The following KIF13B variants were observed in gnomAD, a reference collection of about 807,000 sequenced individuals.
KIF13B encodes kinesin family member 13B, also known as kinesin-like protein KIF13B.
Under a neutral mutation model 222.0 loss-of-function variants are expected in KIF13B, and 127 were observed. The ratio of observed to expected loss-of-function variants is 0.57; its 90% CI spans 0.50 to 0.66. KIF13B has a LOEUF of 0.66. Ranked by LOEUF, KIF13B falls within the 30% of genes least tolerant of loss-of-function variation. The pLI is 0.00. For missense variants in KIF13B, 2,173 were observed against 2,379.0 expected (o/e 0.91, Z 1.80); for synonymous variants, 976 against 919.0 (o/e 1.06, Z -1.12).
At chr8:29,198,314 G>T (rs958262374) in intron 2 of KIF13B, among the ~76,000 whole-genome samples, 2 of 147,626 alleles carry the variant, frequency 1.4e-5, no homozygotes, top group South Asian at 4.3e-4. Context: ...TGCATGTTTT[G>T]TTTTTTGTTT....
At chr8:29,131,285 C>T (rs916330320) in intron 23 of KIF13B, among the ~76,000 whole-genome samples, 1 of 151,242 alleles carries the variant, frequency 6.6e-6, no homozygotes, top group Non-Finnish European at 1.5e-5. Flanking sequence ...ACAATATACC[C>T]AGGTAAACAA....
At chr8:29,103,155 C>A (rs187517670) in intron 35 of KIF13B, among the ~76,000 whole-genome samples, 1 of 149,710 alleles carries the variant, frequency 6.7e-6, no homozygotes, top group Admixed American at 6.7e-5. Context: ...GGCAGGAGAA[C>A]GGCTTGAACC....
chr8:29,109,128 G>A (rs1243768536), intron 34 of KIF13B, among the ~76,000 whole-genome samples: 1 of 152,178 alleles, frequency 6.6e-6, no homozygotes, highest in African/African-American at 2.4e-5. Context: ...CTTGCCATAG[G>A]CCCGTGGCTA....
chr8:29,145,913 A>G, intron 18 of KIF13B: 1 of 164,046 alleles, frequency 6.1e-6, no homozygotes, highest in Non-Finnish European at 1.3e-5. Context: ...ATACCAAAAA[A>G]AGTATGATCC....
At chr8:29,200,362 A>T (rs1295990011) in intron 2 of KIF13B, among the ~76,000 whole-genome samples, 1 of 152,242 alleles carries the variant, frequency 6.6e-6, no homozygotes, top group Non-Finnish European at 1.5e-5. Flanking sequence ...GAGATTCAGG[A>T]AGCAAAAGCA....
At position 29,108,243 on chromosome 8, in the gene KIF13B, G is replaced by A. The variant is rs1586788385; in HGVS notation, c.4162-51C>T. ...GTTATTTATGCATCAGAGCATACACGTGGTCTAGGCAACGCCAGTCTTTGC... is the reference window on the plus strand; with the variant it reads ...GTTATTTATGCATCAGAGCATACACATGGTCTAGGCAACGCCAGTCTTTGC... On this transcript the variant is annotated intron_variant, in intron 34 of 39. Coordinates refer to ENST00000524189, the MANE Select transcript of KIF13B (RefSeq NM_015254.4). 1.5e-5 allele frequency: 24 copies of A among 1,556,302 alleles called. No individual in the cohort carries two copies. In the Admixed American group the frequency reaches 1.8e-4, roughly 12 times the overall value.
intron 10 of KIF13B, among the ~76,000 whole-genome samples, chr8:29,174,136 T>A (rs1282151331): frequency 6.6e-6 from 1 of 152,206 alleles, no homozygotes; most frequent in African/African-American, 2.4e-5. Context: ...AAATATACTT[T>A]GAGCAAATTT....
intron 2 of KIF13B, among the ~76,000 whole-genome samples, chr8:29,214,495 CA>C (rs1241007665): frequency 6.6e-6 from 1 of 152,206 alleles, no homozygotes; most frequent in Non-Finnish European, 1.5e-5. Flanking sequence ...GGAAGGTCTT[CA>C]GGGGCAGTAA....
At chr8:29,192,331 C>T (rs193275273) in intron 3 of KIF13B, among the ~76,000 whole-genome samples, 2 of 152,346 alleles carry the variant, frequency 1.3e-5, no homozygotes, top group Admixed American at 6.5e-5. Context: ...CCTCCAGGCA[C>T]CTGGTCTGAT....
chr8:29,212,813 T>C (rs1814289745), intron 2 of KIF13B, among the ~76,000 whole-genome samples: 1 of 149,336 alleles, frequency 6.7e-6, no homozygotes, highest in Non-Finnish European at 1.5e-5. Flanking sequence ...TGGGAAATTG[T>C]ATTTGATTAC....
In KIF13B at chr8:29,188,588, C is replaced by T. The variant is rs910992891; in HGVS notation, c.243G>A (p.Lys81=). Residue 81 remains lysine (K), a synonymous_variant, in exon 5 of 40, where the codon AAG becomes AAA. Coordinates refer to ENST00000524189, the MANE Select transcript of KIF13B (RefSeq NM_015254.4). ...EKYAGQDIVF[K]CLGENILQNA... ...TCTGCAGGATATTCTCTCCAAGGCACTTGAAAACAATATCTTGACCTGAGA... is the reference window on the plus strand; with the variant it reads ...TCTGCAGGATATTCTCTCCAAGGCATTTGAAAACAATATCTTGACCTGAGA... 1.2e-6 allele frequency: 2 copies of T among 1,610,616 alleles called. No individual in the cohort carries two copies. The highest frequency in any genetic ancestry group is 8.5e-7 in the Non-Finnish European group (1 of 1,177,504).
intron 37 of KIF13B, among the ~76,000 whole-genome samples, chr8:29,082,650 T>TA (rs916446113): frequency 6.7e-5 from 10 of 149,470 alleles, no homozygotes; most frequent in South Asian, 2.1e-4. Context: ...AAAAATAAAT[T>TA]AAAAAAAAAT....
Position 29,109,506 on chromosome 8 carries a change from A to T in KIF13B, c.4089T>A (p.Val1363=). 1.2e-6 allele frequency: 2 copies of T among 1,613,512 alleles called. No homozygotes were observed. The highest frequency in any genetic ancestry group is 2.2e-5 in the East Asian group (1 of 44,882). The part of the protein sequence containing the change: ...LLTLDRLRQE[V]AVKEQLTGKG... ...TTCCTGTTAACTGTTCCTTCACTGC[A>T]ACTTCCTGTGAATCAGAAAACATAC... The change falls in exon 34 of 40, where the codon GTT becomes GTA. Residue 1363 remains valine, a synonymous_variant. Transcript: ENST00000524189.
chr8:29,231,428 A>C (rs1472989225), intron 2 of KIF13B, among the ~76,000 whole-genome samples: 2 of 152,128 alleles, frequency 1.3e-5, no homozygotes, highest in African/African-American at 4.8e-5. Flanking sequence ...CAATCCCCCA[A>C]AGAAGAGGGC....
At chr8:29,108,030 GA>G (rs1809175626) in intron 35 of KIF13B, 108 bp downstream of exon 35, 2 of 853,292 alleles carry the variant, frequency 2.3e-6, no homozygotes, top group South Asian at 3.1e-5. Context: ...ACATAATACA[GA>G]TGAGTAGAGG....
chr8:29,143,916 A>G (rs1810935113), intron 18 of KIF13B, among the ~76,000 whole-genome samples: 1 of 151,998 alleles, frequency 6.6e-6, no homozygotes, highest in Non-Finnish European at 1.5e-5. Flanking sequence ...CCCCCCAAAA[A>G]AAGTATGCTC....
At chr8:29,077,406 T>C (rs1807614896) in intron 37 of KIF13B, among the ~76,000 whole-genome samples, 1 of 152,236 alleles carries the variant, frequency 6.6e-6, no homozygotes, top group Non-Finnish European at 1.5e-5. Flanking sequence ...GCCTATAGTA[T>C]TTAACGTCCC....
chr8:29,103,955 C>T (rs935172252), intron 35 of KIF13B, among the ~76,000 whole-genome samples: 2 of 152,192 alleles, frequency 1.3e-5, no homozygotes, highest in East Asian at 1.9e-4. Flanking sequence ...TGCACAGGCA[C>T]ACAATGAGCC....
intron 6 of KIF13B, among the ~76,000 whole-genome samples, chr8:29,185,898 C>T (rs1008798022): frequency 1.3e-5 from 2 of 152,194 alleles, no homozygotes; most frequent in Non-Finnish European, 2.9e-5. Flanking sequence ...GTCAAACCAG[C>T]GTTTGTGAAG....
Sources: gnomAD v4.1 joint callset for allele counts (sites outside exome capture counted in the v4.1 genomes callset) on GRCh38, gnomAD v4.1.1 for gene constraint, MANE v1.5 for transcripts, NCBI Gene and HGNC (gene_info 2026-07-23, HGNC 2026-07-21) for gene names.